Variants in ZNF208 observed in about 807,000 individuals in gnomAD.
ZNF208 encodes the protein zinc finger protein 95.
In ZNF208, 10 loss-of-function variants were observed where a neutral mutation model predicts 12.1. The ratio of observed to expected loss-of-function variants is 0.83; its 90% CI spans 0.51 to 1.40. ZNF208 has a LOEUF of 1.40. Ranked by LOEUF, ZNF208 falls within the 40% of genes most tolerant of loss-of-function variation. ZNF208 has a pLI of 0.00. For missense variants in ZNF208, 1,652 were observed against 1,485.0 expected (o/e 1.11, Z -1.85); for synonymous variants, 497 against 488.4 (o/e 1.02, Z -0.23).
chr19:21,982,810 T>C (rs1403353618), intron 3 of ZNF208, among the ~76,000 whole-genome samples: 2 of 152,174 alleles, frequency 1.3e-5, no homozygotes, highest in South Asian at 2.1e-4. Context: ...TGGCTAGCCA[T>C]ATGCAGAAAA....
At chr19:21,993,434 T>C (rs1182430915) in intron 1 of ZNF208, among the ~76,000 whole-genome samples, 2 of 152,070 alleles carry the variant, frequency 1.3e-5, no homozygotes, top group African/African-American at 4.8e-5. Context: ...CCAAGAACAA[T>C]AAACAGAATC....
At chr19:21,965,825 A>G (rs1306310342), downstream of ZNF208, 1 of 151,998 alleles carries the variant, frequency 6.6e-6, no homozygotes, top group Non-Finnish European at 1.5e-5. Flanking sequence ...TAATCCAATT[A>G]CATTTTCCCC....
Position 21,971,148 on chromosome 19 carries a change from G to C in ZNF208, c.*43C>G, listed in dbSNP as rs1218209111. On this transcript the variant is annotated 3_prime_UTR_variant, in exon 4 of 4. Transcript: ENST00000397126. ...GTATGAATTTTCTTATGATAACTAA[G>C]GGTTGAGGGCCACTTATAGGCTTTG... 1 of 1,612,546 alleles carries C rather than the reference G, an allele frequency of 6.2e-7. No individual in the cohort carries two copies. The highest frequency in any genetic ancestry group is 8.5e-7 in the Non-Finnish European group (1 of 1,179,478).
Position 21,986,948 on chromosome 19 carries a change from G to A in ZNF208, c.226+268C>T, listed in dbSNP as rs183103016. 2.4e-4 allele frequency: 104 copies of A among 427,548 alleles called. 2 individuals carry two copies. In the Admixed American group the frequency reaches 4.3e-3, roughly 18 times the overall value. The allele number at this position is 427,548 out of a possible 1,614,324, so 26.5% of individuals were successfully genotyped here. Reference sequence around the variant, plus strand: ...AAAAACAAACAAACAAAAAGATTGTGCACTCTCTTGTATGCCATGAACAGT... The same window carrying A: ...AAAAACAAACAAACAAAAAGATTGTACACTCTCTTGTATGCCATGAACAGT... On this transcript the variant is annotated intron_variant, in intron 3 of 3. Transcript: ENST00000397126.
chr19:21,968,495 T>C lies in ZNF208; in HGVS notation c.*2696A>G, dbSNP rs541828921. On this transcript the variant is annotated 3_prime_UTR_variant, in exon 4 of 4. Coordinates refer to ENST00000397126, the MANE Select transcript of ZNF208 (RefSeq NM_007153.3). ...TCTTTACATGGTGAATCACACTTAT[T>C]GACTTCCATATCATGAAACACCTTC... The C allele has an allele frequency of 6.6e-6, 1 of 152,250 alleles. No homozygotes were observed. The highest frequency in any genetic ancestry group is 2.1e-4 in the South Asian group (1 of 4,828). 9.4% of individuals were successfully genotyped at this position (152,250 alleles called of 1,614,324 possible). A position where few individuals can be genotyped will look rare whatever the true frequency, so the allele number is the denominator to read the frequency against.
At chr19:21,946,377 T>G (rs1969816339) in intron 4 of ZNF208, among the ~76,000 whole-genome samples, 1 of 152,152 alleles carries the variant, frequency 6.6e-6, no homozygotes, top group Non-Finnish European at 1.5e-5. Context: ...CTAAGACAGC[T>G]CACAAACTAA....
Position 21,973,902 on chromosome 19 carries a change from A to G in ZNF208, c.1132T>C (p.Tyr378His). 2.5e-6 allele frequency: 4 copies of G among 1,613,260 alleles called. No homozygotes were observed. The highest frequency in any genetic ancestry group is 2.5e-6 in the Non-Finnish European group (3 of 1,179,800). The change falls in exon 4 of 4, where the codon TAT (tyrosine) becomes CAT (histidine). Residue 378 changes from tyrosine to histidine, a missense_variant. Physicochemically the swap from Tyr to His is moderately conservative, Grantham distance 83 (BLOSUM62 2). Transcript: ENST00000397126. ...PYKCEECGKAYKWPSTLSYHK... is the reference protein window; with the variant it reads ...PYKCEECGKAHKWPSTLSYHK... ...TAACTAAGGGTTGAGGGCCACTTAT[A>G]GGCTTTGCCGCATTCTTCACATTTG...
At chr19:21,945,951 G>T (rs910462637) in intron 4 of ZNF208, among the ~76,000 whole-genome samples, 8 of 152,054 alleles carry the variant, frequency 5.3e-5, no homozygotes, top group Admixed American at 2.6e-4. Context: ...AGCACAGGGG[G>T]TTGTGCCTGG....
At chr19:21,990,524 C>G (rs1384666444) in intron 1 of ZNF208, among the ~76,000 whole-genome samples, 1 of 151,840 alleles carries the variant, frequency 6.6e-6, no homozygotes, top group Non-Finnish European at 1.5e-5. Context: ...AGTCAGGTAG[C>G]GTGATGCCTC....
At chr19:21,965,844 T>C (rs1166046632), downstream of ZNF208, 1 of 151,662 alleles carries the variant, frequency 6.6e-6, no homozygotes, top group Non-Finnish European at 1.5e-5. Flanking sequence ...CCCAAAAGAG[T>C]ACAGTAACAA....
intron 4 of ZNF208, chr19:21,941,516 A>T (rs774418534): frequency 1.5e-5 from 6 of 394,050 alleles, no homozygotes; most frequent in African/African-American, 8.5e-5. Flanking sequence ...GTGATTCTCA[A>T]CACAAGTGCA....
chr19:21,954,579 C>T (rs764063846), intron 4 of ZNF208, among the ~76,000 whole-genome samples: 2 of 152,116 alleles, frequency 1.3e-5, no homozygotes, highest in African/African-American at 2.4e-5. Flanking sequence ...ATCCCTTTAC[C>T]ATTATGTAAT....
rs200969060 is a variant in ZNF208 at position 21,974,053 on chromosome 19, G to T, written c.981C>A (p.Thr327=). Residue 327 remains threonine, a synonymous_variant, in exon 4 of 4, where the codon ACC becomes ACA. Transcript: ENST00000397126. ...ECGKAFSKVS[T]LITHKAIHAG... ...CATGAATTGCCTTATGTGTAATAAGGGTTGAGACCTTACTGAAGGCTTTGC... is the reference window on the plus strand; with the variant it reads ...CATGAATTGCCTTATGTGTAATAAGTGTTGAGACCTTACTGAAGGCTTTGC... 2.9e-5 allele frequency: 35 copies of T among 1,212,522 alleles called. 8 individuals carry two copies. In the Admixed American group the frequency reaches 5.7e-4, roughly 20 times the overall value. The allele number at this position is 1,212,522 out of a possible 1,614,324, so 75.1% of individuals were successfully genotyped here. A position where few individuals can be genotyped will look rare whatever the true frequency, so the allele number is the denominator to read the frequency against.
chr19:21,964,223 G>T (rs1970125012), downstream of ZNF208, among the ~76,000 whole-genome samples: 1 of 151,664 alleles, frequency 6.6e-6, no homozygotes, highest in South Asian at 2.1e-4. Flanking sequence ...TAAAATTTTA[G>T]GAAACATACA....
chr19:22,009,286 T>A (rs1243713291), intron 1 of ZNF208, among the ~76,000 whole-genome samples: 1 of 152,154 alleles, frequency 6.6e-6, no homozygotes, highest in Non-Finnish European at 1.5e-5. Context: ...AGTATTTTAC[T>A]GCAAGCCAGA....
intron 1 of ZNF208, among the ~76,000 whole-genome samples, chr19:22,006,903 G>A (rs531828475): frequency 3.9e-5 from 6 of 152,158 alleles, no homozygotes; most frequent in African/African-American, 1.4e-4. Context: ...TTTATTTTTT[G>A]TATTAAAAAT....
rs10406262 is a variant in ZNF208, at chr19:21,997,155, G to A, written c.4-8246C>T. 4.3e-3 allele frequency among the ~76,000 whole-genome samples: 658 copies of A among 152,292 alleles called. 5 individuals carry two copies. The highest frequency in any genetic ancestry group is 0.015 in the African/African-American group (631 of 41,554). ...ATTGTTTTATTACACAATTACATGT[G>A]AATATGACATGCATTATAGTCAATT... On this transcript the variant is annotated intron_variant, in intron 1 of 3. Transcript: ENST00000397126.
At chr19:22,010,765 T>C (rs1480106492) in intron 1 of ZNF208, 27 bp downstream of exon 1, 1 of 1,614,000 alleles carries the variant, frequency 6.2e-7, no homozygotes. Flanking sequence ...GGCCACTCTC[T>C]CAGTGTGTCG....
intron 3 of ZNF208, among the ~76,000 whole-genome samples, chr19:21,975,954 G>T (rs1223693664): frequency 6.6e-6 from 1 of 150,402 alleles, no homozygotes; most frequent in African/African-American, 2.4e-5. Flanking sequence ...TATTAGCACT[G>T]CATATGTCTT....
Sources: gnomAD v4.1 joint callset for allele counts (sites outside exome capture counted in the v4.1 genomes callset) on GRCh38, gnomAD v4.1.1 for gene constraint, MANE v1.5 for transcripts, NCBI Gene and HGNC (gene_info 2026-07-23, HGNC 2026-07-21) for gene names.